ERC2: variants seen among roughly 807,000 people sequenced by gnomAD.
ERC2 encodes ERC protein 2.
A neutral mutation model predicts 114.8 loss-of-function variants in ERC2; 42 were observed. The observed-to-expected ratio is 0.37, with a 90% CI of 0.29 to 0.47. The LOEUF is 0.47. Among genes scored for constraint, ERC2 ranks in the 20% least tolerant of loss-of-function variants. ERC2 has a pLI of 0.99. For missense variants in ERC2, 939 were observed against 1,150.7 expected (o/e 0.82, Z 2.66); for synonymous variants, 454 against 425.5 (o/e 1.07, Z -0.82).
At chr3:56,058,077 A>T (rs1026580420) in intron 7 of ERC2, among the ~76,000 whole-genome samples, 3 of 152,190 alleles carry the variant, frequency 2.0e-5, no homozygotes, top group African/African-American at 7.2e-5. Flanking sequence ...TCTTCAATTC[A>T]TATTACAAAT....
intron 12 of ERC2, among the ~76,000 whole-genome samples, chr3:55,981,603 G>A (rs1348201062): frequency 6.6e-6 from 1 of 152,198 alleles, no homozygotes; most frequent in Admixed American, 6.5e-5. Context: ...GAAGAGGAAG[G>A]AGGAGGGGGA....
chr3:55,624,881 C>G (rs1298691637), intron 17 of ERC2, among the ~76,000 whole-genome samples: 1 of 152,150 alleles, frequency 6.6e-6, no homozygotes, highest in Non-Finnish European at 1.5e-5. Context: ...CCTGGCTGGT[C>G]CCTAGTTCCC....
chr3:55,944,940 A>T (rs1019811566), intron 13 of ERC2, among the ~76,000 whole-genome samples: 1 of 152,356 alleles, frequency 6.6e-6, no homozygotes, highest in South Asian at 2.1e-4. Flanking sequence ...AACCATGAAC[A>T]GAGTCTGAAA....
intron 13 of ERC2, among the ~76,000 whole-genome samples, chr3:55,909,673 C>T (rs945630952): frequency 2.0e-5 from 3 of 152,050 alleles, no homozygotes; most frequent in Non-Finnish European, 2.9e-5. Flanking sequence ...CTGAGCATCC[C>T]GGAGGCAGCC....
intron 17 of ERC2, among the ~76,000 whole-genome samples, chr3:55,554,727 C>A (rs2055475569): frequency 6.6e-6 from 1 of 152,164 alleles, no homozygotes; most frequent in Admixed American, 6.5e-5. Context: ...GTCCCTTCCC[C>A]CCTCCCCCCT....
intron 3 of ERC2, among the ~76,000 whole-genome samples, chr3:56,209,065 C>T (rs1205920477): frequency 6.6e-6 from 1 of 152,146 alleles, no homozygotes; most frequent in African/African-American, 2.4e-5. Flanking sequence ...AAAGGCTCCT[C>T]AGCACCCAAT....
intron 2 of ERC2, among the ~76,000 whole-genome samples, chr3:56,349,607 C>T (rs555665407): frequency 1.3e-5 from 2 of 152,240 alleles, no homozygotes; most frequent in South Asian, 4.1e-4. Flanking sequence ...GGATGAGGAT[C>T]GAAAAACTAC....
At chr3:56,273,561 C>T (rs182962989) in intron 3 of ERC2, among the ~76,000 whole-genome samples, 34 of 152,078 alleles carry the variant, frequency 2.2e-4, no homozygotes, top group African/African-American at 6.8e-4. Context: ...ACCCCTTTTA[C>T]GGAGGATTCT....
chr3:55,691,960 T>C (rs984528642), intron 16 of ERC2, among the ~76,000 whole-genome samples: 5 of 152,164 alleles, frequency 3.3e-5, no homozygotes, highest in African/African-American at 1.2e-4. Flanking sequence ...GAGCAATACA[T>C]ACATATATAC....
chr3:55,822,625 C>T (rs1269240021), intron 14 of ERC2, among the ~76,000 whole-genome samples: 2 of 143,098 alleles, frequency 1.4e-5, no homozygotes, highest in Non-Finnish European at 3.0e-5. Context: ...AGTGCAGTGG[C>T]GCAATCTTGG....
chr3:55,950,285 C>T (rs1259517822), intron 13 of ERC2, 140 bp downstream of exon 13: 1 of 1,006,204 alleles, frequency 9.9e-7, no homozygotes, highest in African/African-American at 1.6e-5. Flanking sequence ...GAAAGACCTA[C>T]TGGGTTCCCT....
intron 17 of ERC2, among the ~76,000 whole-genome samples, chr3:55,560,354 G>T (rs529313710): frequency 1.3e-5 from 2 of 152,166 alleles, no homozygotes; most frequent in Admixed American, 1.3e-4. Flanking sequence ...TTGGAGCAAG[G>T]TTTCTCAACT....
chr3:56,305,512 C>CACACACACA (rs2056162094), intron 2 of ERC2, among the ~76,000 whole-genome samples: 10 of 144,334 alleles, frequency 6.9e-5, no homozygotes, highest in African/African-American at 2.3e-4. Context: ...ACTCTCTTAT[C>CACACACACA]CACACACACA....
intron 17 of ERC2, among the ~76,000 whole-genome samples, chr3:55,638,672 C>T (rs1046026647): frequency 3.3e-5 from 5 of 152,180 alleles, no homozygotes; most frequent in South Asian, 2.1e-4. Context: ...CAAGTAAATA[C>T]ATTAATTAAT....
At chr3:55,764,863 T>C (rs916717201) in intron 14 of ERC2, among the ~76,000 whole-genome samples, 4 of 152,198 alleles carry the variant, frequency 2.6e-5, no homozygotes, top group African/African-American at 9.6e-5. Context: ...TGTAGCCTAA[T>C]GTGACTACGG....
intron 4 of ERC2, among the ~76,000 whole-genome samples, chr3:56,165,894 T>C (rs550545940): frequency 1.2e-4 from 18 of 152,150 alleles, no homozygotes; most frequent in African/African-American, 4.1e-4. Flanking sequence ...TTTTTTTCTT[T>C]CTAATTTTTA....
At chr3:56,017,109 T>A (rs191398159) in intron 8 of ERC2, among the ~76,000 whole-genome samples, 157 of 152,246 alleles carry the variant, frequency 1.0e-3, no homozygotes, top group African/African-American at 3.6e-3. Context: ...ATAATGCCAA[T>A]AACATGGGCC....
At chr3:55,832,462 T>C (rs2060647481) in intron 14 of ERC2, among the ~76,000 whole-genome samples, 1 of 152,234 alleles carries the variant, frequency 6.6e-6, no homozygotes, top group African/African-American at 2.4e-5. Context: ...AAATCCGCTG[T>C]TCTGCAGCCA....
intron 10 of ERC2, among the ~76,000 whole-genome samples, chr3:56,001,346 T>A (rs189261897): frequency 2.2e-3 from 341 of 152,066 alleles, no homozygotes; most frequent in African/African-American, 7.7e-3. Context: ...TTTTTACAAC[T>A]AAGAAAAACA....
Sources: gnomAD v4.1 joint callset for allele counts (sites outside exome capture counted in the v4.1 genomes callset) on GRCh38, gnomAD v4.1.1 for gene constraint, MANE v1.5 for transcripts, NCBI Gene and HGNC (gene_info 2026-07-23, HGNC 2026-07-21) for gene names.